The following FRA10AC1 variants were observed in gnomAD, a reference collection of about 807,000 sequenced individuals.
The protein encoded by FRA10AC1 is protein FRA10AC1.
A neutral mutation model predicts 56.5 loss-of-function variants in FRA10AC1; 43 were observed. The observed-to-expected ratio is 0.76, with a 90% confidence interval of 0.60 to 0.98. The LOEUF (loss-of-function observed/expected upper bound fraction) is 0.98, where lower values mean the gene tolerates loss of function less well. Among genes scored for constraint, FRA10AC1 ranks in the 50% least tolerant of loss-of-function variants. The probability of loss-of-function intolerance (pLI) is 0.00; values close to 1 mark genes in which losing one functional copy is unlikely to be tolerated. For missense variants in FRA10AC1, 346 were observed against 351.8 expected (o/e 0.98, Z 0.13); for synonymous variants, 112 against 110.5 (o/e 1.01, Z -0.09).
At chr10:93,690,889 A>G (rs1221694513) in intron 7 of FRA10AC1, among the ~76,000 whole-genome samples, 4 of 152,180 alleles carry the variant, frequency 2.6e-5, no homozygotes, top group Non-Finnish European at 5.9e-5. Context: ...TACAAAATGA[A>G]CATTATTACT....
chr10:93,692,435 T>C (rs768877564), intron 6 of FRA10AC1, among the ~76,000 whole-genome samples: 2 of 152,218 alleles, frequency 1.3e-5, no homozygotes, highest in Non-Finnish European at 2.9e-5. Context: ...AAAAAGAATG[T>C]TATTTTTTTG....
chr10:93,692,688 T>C lies in FRA10AC1; in HGVS notation c.338A>G (p.His113Arg), dbSNP rs1486369232. The change falls in exon 6 of 14, where the codon CAT becomes CGT. Residue 113 changes from histidine to arginine, a missense_variant. By Grantham distance (29) the His-to-Arg change is conservative (BLOSUM62 0). Coordinates refer to ENST00000359204, the MANE Select transcript of FRA10AC1 (RefSeq NM_145246.5). Reference sequence around the variant, plus strand: ...GTCCTCCTCATTCCATAGGAATCTATGATTTTCTCGTATAACATCCAAGTC... The same window carrying C: ...GTCCTCCTCATTCCATAGGAATCTACGATTTTCTCGTATAACATCCAAGTC... ...KTDLDVIRENHRFLWNEEDEM... is the reference protein window; with the variant it reads ...KTDLDVIRENRRFLWNEEDEM... 6.3e-7 allele frequency: 1 copy of C among 1,597,296 alleles called. No homozygotes were observed. Among genetic ancestry groups the C allele is most frequent in the African/African-American group, 1.4e-5 (1 of 73,702 alleles).
intron 7 of FRA10AC1, among the ~76,000 whole-genome samples, chr10:93,690,214 C>T (rs1262266096): frequency 6.6e-6 from 1 of 152,070 alleles, no homozygotes; most frequent in African/African-American, 2.4e-5. Context: ...ACATGGTATG[C>T]CAAAACCAAA....
At chr10:93,702,012 T>C (rs2059341160) in intron 1 of FRA10AC1, among the ~76,000 whole-genome samples, 1 of 152,046 alleles carries the variant, frequency 6.6e-6, no homozygotes, top group Non-Finnish European at 1.5e-5. Context: ...TCTTGTACAG[T>C]GAAACCCAGT....
rs958704115 is a variant in FRA10AC1 at position 93,702,518 on chromosome 10, C to A, written c.-144G>T. ...CCCTGCCGCACAGCCTCGCCACAAC[C>A]ACCACCGCCGCCGCCGCCGCCGCCG... is the stretch of plus-strand genomic sequence containing the variant. On this transcript the variant is annotated 5_prime_UTR_variant, in exon 1 of 14. Transcript: ENST00000359204. 9 of 178,776 alleles carry A rather than the reference C, an allele frequency of 5.0e-5. No homozygotes were observed. The highest frequency in any genetic ancestry group is 6.6e-5 in the Non-Finnish European group (6 of 91,142). 11.1% of individuals were successfully genotyped at this position (178,776 alleles called of 1,614,324 possible).
At chr10:93,699,701 G>A (rs1403078557) in intron 2 of FRA10AC1, among the ~76,000 whole-genome samples, 4 of 152,160 alleles carry the variant, frequency 2.6e-5, no homozygotes, top group Admixed American at 6.5e-5. Flanking sequence ...AGCCCCTTCT[G>A]AGCTACAACA....
chr10:93,691,926 A>G lies in FRA10AC1; in HGVS notation c.465+83T>C, dbSNP rs775513076. The G allele has an allele frequency of 3.6e-6, 5 of 1,377,434 alleles. No homozygotes were observed. In the South Asian group the frequency reaches 7.0e-5, roughly 19 times the overall value. 85.3% of individuals were successfully genotyped at this position (1,377,434 alleles called of 1,614,324 possible). A position where few individuals can be genotyped will look rare whatever the true frequency, so the allele number is the denominator to read the frequency against. ...GTCTAGAATTAGCATCTTTAAAAGAATAATGTGGGGCATGACAGTATAATA... is the reference window on the plus strand; with the variant it reads ...GTCTAGAATTAGCATCTTTAAAAGAGTAATGTGGGGCATGACAGTATAATA... On this transcript the variant is annotated intron_variant, in intron 7 of 13. Transcript: ENST00000359204.
Position 93,702,522 on chromosome 10 carries a change from A to ACCACCACCG in FRA10AC1, c.-149_-148insCGGTGGTGG, listed in dbSNP as rs60832838. 9.7e-3 allele frequency: 2,106 copies of ACCACCACCG among 216,024 alleles called. 61 individuals are homozygous for ACCACCACCG. Among genetic ancestry groups the ACCACCACCG allele is most frequent in the African/African-American group, 0.048 (1,961 of 41,002 alleles). The allele number at this position is 216,024 out of a possible 1,614,324, so 13.4% of individuals were successfully genotyped here. A position where few individuals can be genotyped will look rare whatever the true frequency, so the allele number is the denominator to read the frequency against. ...GCCGCACAGCCTCGCCACAACCACC[A>ACCACCACCG]CCGCCGCCGCCGCCGCCGCCGCCGC... On this transcript the variant is annotated 5_prime_UTR_variant, in exon 1 of 14. Transcript: ENST00000359204.
chr10:93,694,449 C>T (rs1682998973), intron 5 of FRA10AC1, among the ~76,000 whole-genome samples: 1 of 152,048 alleles, frequency 6.6e-6, no homozygotes, highest in South Asian at 2.1e-4. Flanking sequence ...GGTGCAGTGG[C>T]TCACGCCTGT....
At chr10:93,670,627 T>A (rs1019772903) in intron 13 of FRA10AC1, 143 bp downstream of exon 13, 32 of 475,850 alleles carry the variant, frequency 6.7e-5, no homozygotes, top group Non-Finnish European at 9.3e-5. Flanking sequence ...TGGCTGGGAA[T>A]AAGCTCTAAT....
chr10:93,685,680 GAAAAACAAATAAAAAAAC>G (rs895817260), intron 8 of FRA10AC1, among the ~76,000 whole-genome samples: 31 of 146,994 alleles, frequency 2.1e-4, no homozygotes, highest in African/African-American at 7.2e-4. Context: ...TTGGTTTAAG[GAAAAACAAATAAAAAAAC>G]AAAAACAAAA....
chr10:93,684,230 C>A (rs112016708), intron 9 of FRA10AC1, 132 bp from the exon 10 acceptor site: 26 of 631,138 alleles, frequency 4.1e-5, no homozygotes, highest in Non-Finnish European at 6.4e-5. Flanking sequence ...CCAAAGAAAA[C>A]AATCTGACCT....
At chr10:93,698,422 G>T in intron 2 of FRA10AC1, 26 bp from the exon 3 acceptor site, 2 of 1,318,324 alleles carry the variant, frequency 1.5e-6, no homozygotes, top group South Asian at 1.3e-5. Context: ...GAAAATAAGA[G>T]TTCACTTTTT....
rs558507678 is a variant in FRA10AC1 at position 93,683,972 on chromosome 10, A to G, written c.668+84T>C. ...AACCAATTCAACCATCAACCACCTA[A>G]GTCTACATTTAGATACTTAGTGCAG... On this transcript the variant is annotated intron_variant, in intron 10 of 13. Transcript: ENST00000359204. 9 of 904,028 alleles carry G rather than the reference A, an allele frequency of 1.0e-5. No individual in the cohort carries two copies. The African/African-American group carries it at 1.5e-4, about 15-fold the overall frequency. The allele number at this position is 904,028 out of a possible 1,614,324, so 56.0% of individuals were successfully genotyped here.
At chr10:93,693,493 TATATATATATATATACACC>T (rs1452874938) in intron 5 of FRA10AC1, among the ~76,000 whole-genome samples, 2 of 40,876 alleles carry the variant, frequency 4.9e-5, no homozygotes, top group Admixed American at 6.1e-4. Flanking sequence ...TATATATATA[TATATATATATATATACACC>T]ATATATATAT....
intron 13 of FRA10AC1, among the ~76,000 whole-genome samples, chr10:93,670,106 G>A (rs2058737876): frequency 1.3e-5 from 2 of 151,978 alleles, no homozygotes; most frequent in South Asian, 4.1e-4. Flanking sequence ...CTCCCTAAAT[G>A]TATTACCTAA....
At chr10:93,695,347 C>T (rs973167924) in intron 4 of FRA10AC1, among the ~76,000 whole-genome samples, 5 of 151,554 alleles carry the variant, frequency 3.3e-5, no homozygotes, top group East Asian at 1.9e-4. Context: ...TATAATTTAT[C>T]TATTTTAGTA....
intron 1 of FRA10AC1, 50 bp from the exon 2 acceptor site, chr10:93,700,156 C>T (rs1248839888): frequency 6.8e-6 from 7 of 1,023,186 alleles, no homozygotes; most frequent in Non-Finnish European, 1.0e-5. Context: ...TGCCAATTGT[C>T]CAGGAAACAA....
rs1479671829 is a variant in FRA10AC1 at position 93,699,911 on chromosome 10, C to T, written c.77+119G>A. ...TTAGCTTAATGAACAAAAATTCATTCACTAGAGCAATTGTCTTCACATGTA... is the reference window on the plus strand; with the variant it reads ...TTAGCTTAATGAACAAAAATTCATTTACTAGAGCAATTGTCTTCACATGTA... On this transcript the variant is annotated intron_variant, in intron 2 of 13. Coordinates refer to ENST00000359204, the MANE Select transcript of FRA10AC1 (RefSeq NM_145246.5). The T allele has an allele frequency of 6.7e-6, 4 of 593,780 alleles. No individual in the cohort carries two copies. In the East Asian group the frequency reaches 1.2e-4, roughly 18 times the overall value. 36.8% of individuals were successfully genotyped at this position (593,780 alleles called of 1,614,324 possible).
Sources: gnomAD v4.1 joint callset for allele counts (sites outside exome capture counted in the v4.1 genomes callset) on GRCh38, gnomAD v4.1.1 for gene constraint, MANE v1.5 for transcripts, NCBI Gene and HGNC (gene_info 2026-07-23, HGNC 2026-07-21) for gene names.